NOVA2: variants seen among roughly 807,000 people sequenced by gnomAD.
NOVA2 encodes RNA-binding protein Nova-2.
NOVA2 carries 9 observed loss-of-function variants against 22.5 expected under a neutral mutation model. The ratio of observed to expected loss-of-function variants is 0.40; its 90% CI spans 0.24 to 0.70. The LOEUF (loss-of-function observed/expected upper bound fraction) is 0.70, where lower values mean the gene tolerates loss of function less well. NOVA2 is among the 30% of genes least tolerant of loss of function. The pLI is 0.38. For synonymous variants in NOVA2, 318 were observed against 335.2 expected, an observed-to-expected ratio of 0.95 and a Z score of 0.56; for missense variants, 383 against 682.8, an observed-to-expected ratio of 0.56 and a Z score of 4.89.
Position 45,973,357 on chromosome 19 carries a change from G to C in NOVA2, c.-6C>G, listed in dbSNP as rs1281762199. ...TCCGGGGCCTCGGGCTCCATGGGGGGGGCCTGGGGCGGCGGCTGCTGCTGC... is the reference window on the plus strand; with the variant it reads ...TCCGGGGCCTCGGGCTCCATGGGGGCGGCCTGGGGCGGCGGCTGCTGCTGC... On this transcript the variant is annotated 5_prime_UTR_variant, in exon 1 of 4. Transcript: ENST00000263257. 1.7e-5 allele frequency: 18 copies of C among 1,062,644 alleles called. No individual in the cohort carries two copies. In the South Asian group the frequency reaches 7.4e-4, roughly 44 times the overall value. The allele number at this position is 1,062,644 out of a possible 1,614,324, so 65.8% of individuals were successfully genotyped here.
intron 1 of NOVA2, among the ~76,000 whole-genome samples, chr19:45,966,262 T>C (rs79039378): frequency 0.03 from 4,619 of 152,236 alleles, 215 homozygotes; most frequent in African/African-American, 0.097. Flanking sequence ...ACTGGAATTG[T>C]TCTTTCTTCT....
At position 45,936,465 on chromosome 19, in the gene NOVA2, C is replaced by T. The variant is rs1237609347; in HGVS notation, c.*3398G>A. ...CTCCATGTCCACACTTTTGCAATGC[C>T]TCTTAGGGACCTCCTCAAAGAGAAA... On this transcript the variant is annotated 3_prime_UTR_variant, in exon 4 of 4. Coordinates refer to ENST00000263257, the MANE Select transcript of NOVA2 (RefSeq NM_002516.4). 1 of 151,676 alleles carries T rather than the reference C, an allele frequency of 6.6e-6. No individual in the cohort carries two copies. The highest frequency in any genetic ancestry group is 1.5e-5 in the Non-Finnish European group (1 of 67,948). 9.4% of individuals were successfully genotyped at this position (151,676 alleles called of 1,614,324 possible). A position where few individuals can be genotyped will look rare whatever the true frequency, so the allele number is the denominator to read the frequency against.
chr19:45,965,801 GC>G, intron 1 of NOVA2, among the ~76,000 whole-genome samples: 1 of 152,206 alleles, frequency 6.6e-6, no homozygotes, highest in East Asian at 1.9e-4. Flanking sequence ...ACCTCTTTGG[GC>G]CTCAGCTTTC....
At chr19:45,970,848 G>T (rs1968224016) in intron 1 of NOVA2, among the ~76,000 whole-genome samples, 1 of 152,160 alleles carries the variant, frequency 6.6e-6, no homozygotes, top group African/African-American at 2.4e-5. Flanking sequence ...GTGTGTTTCT[G>T]TCAATGGAGG....
At chr19:45,956,864 T>C (rs565457585) in intron 2 of NOVA2, among the ~76,000 whole-genome samples, 79 of 152,192 alleles carry the variant, frequency 5.2e-4, no homozygotes, top group Non-Finnish European at 9.7e-4. Flanking sequence ...TCAAGATGTG[T>C]TCAAGTTCTC....
At chr19:45,965,526 C>T (rs957433428) in intron 1 of NOVA2, among the ~76,000 whole-genome samples, 2 of 152,076 alleles carry the variant, frequency 1.3e-5, no homozygotes, top group Admixed American at 6.6e-5. Flanking sequence ...GTCATGAGTT[C>T]GAGACCAGCC....
In NOVA2 at chr19:45,938,675, A is replaced by T. The variant is rs1967693320; in HGVS notation, c.*1188T>A. ...TGTTTGAATGGAGATGACCCTGACA[A>T]TATTGGTTTTTTTCCGTTAGAGTCC... is the stretch of plus-strand genomic sequence containing the variant. On this transcript the variant is annotated 3_prime_UTR_variant, in exon 4 of 4. Coordinates refer to ENST00000263257, the MANE Select transcript of NOVA2 (RefSeq NM_002516.4). 1 of 152,212 alleles carries T rather than the reference A, an allele frequency of 6.6e-6. No homozygotes were observed. The highest frequency in any genetic ancestry group is 1.5e-5 in the Non-Finnish European group (1 of 68,064). 9.4% of individuals were successfully genotyped at this position (152,212 alleles called of 1,614,324 possible).
At chr19:45,947,013 C>T (rs1344430348) in intron 3 of NOVA2, among the ~76,000 whole-genome samples, 1 of 152,006 alleles carries the variant, frequency 6.6e-6, no homozygotes, top group Non-Finnish European at 1.5e-5. Context: ...ATTCCTTAAA[C>T]ATTTTCAAAA....
chr19:45,973,371 G>A lies in NOVA2; in HGVS notation c.-20C>T. 2.2e-6 allele frequency: 2 copies of A among 889,376 alleles called. No individual in the cohort carries two copies. Among genetic ancestry groups the A allele is most frequent in the Non-Finnish European group, 2.9e-6 (2 of 685,894 alleles). 55.1% of individuals were successfully genotyped at this position (889,376 alleles called of 1,614,324 possible). A position where few individuals can be genotyped will look rare whatever the true frequency, so the allele number is the denominator to read the frequency against. On this transcript the variant is annotated 5_prime_UTR_variant, in exon 1 of 4. Transcript: ENST00000263257. Reference sequence around the variant, plus strand: ...CTCCATGGGGGGGGCCTGGGGCGGCGGCTGCTGCTGCTGCGGCGGCTGCGG... The same window carrying A: ...CTCCATGGGGGGGGCCTGGGGCGGCAGCTGCTGCTGCTGCGGCGGCTGCGG...
At position 45,940,650 on chromosome 19, in the gene NOVA2, T is replaced by G; in HGVS notation, c.692A>C (p.Tyr231Ser). ...TGGCAGCACATCCGCGGGGCTGGCG[T>G]ACGGAGAGCCGGTGGGGTTGGAGTT... ...VANSNPTGSPYASPADVLPAA... is the reference protein window; with the variant it reads ...VANSNPTGSPSASPADVLPAA... The change falls in exon 4 of 4, where the codon TAC becomes TCC. Residue 231 changes from tyrosine (Y) to serine (S), a missense_variant. Coordinates refer to ENST00000263257, the MANE Select transcript of NOVA2 (RefSeq NM_002516.4). The G allele has an allele frequency of 6.4e-7, 1 of 1,561,982 alleles. No individual in the cohort carries two copies. Among genetic ancestry groups the G allele is most frequent in the Non-Finnish European group, 8.6e-7 (1 of 1,159,582 alleles).
In NOVA2 at chr19:45,937,600, A is replaced by G. The variant is rs1967674612; in HGVS notation, c.*2263T>C. ...AGAAGATATGTACAAAGTTACATCAAGAATTGTTTTGGCACTCAGATCTCC... is the reference window on the plus strand; with the variant it reads ...AGAAGATATGTACAAAGTTACATCAGGAATTGTTTTGGCACTCAGATCTCC... On this transcript the variant is annotated 3_prime_UTR_variant, in exon 4 of 4. Transcript: ENST00000263257. The G allele has an allele frequency of 6.6e-6, 1 of 152,204 alleles. No homozygotes were observed. Among genetic ancestry groups the G allele is most frequent in the Non-Finnish European group, 1.5e-5 (1 of 68,050 alleles). The allele number at this position is 152,204 out of a possible 1,614,324, so 9.4% of individuals were successfully genotyped here. A position where few individuals can be genotyped will look rare whatever the true frequency, so the allele number is the denominator to read the frequency against.
intron 1 of NOVA2, among the ~76,000 whole-genome samples, chr19:45,963,677 G>A (rs1345925792): frequency 6.6e-6 from 1 of 151,812 alleles, no homozygotes; most frequent in East Asian, 2.0e-4. Flanking sequence ...GACTACAGGT[G>A]CCCACCACCA....
At chr19:45,949,677 T>C (rs10423595) in intron 3 of NOVA2, among the ~76,000 whole-genome samples, 1,600 of 151,892 alleles carry the variant, frequency 0.011, 21 homozygotes, top group African/African-American at 0.037. Flanking sequence ...GCCTGCTCTC[T>C]GGAGTCACTC....
chr19:45,953,679 G>C, intron 3 of NOVA2, 101 bp downstream of exon 3: 2 of 1,423,058 alleles, frequency 1.4e-6, no homozygotes, highest in East Asian at 2.3e-5. Context: ...ATTTTTATCA[G>C]CTTTGTCCCA....
At chr19:45,951,259 T>C (rs1311778390) in intron 3 of NOVA2, among the ~76,000 whole-genome samples, 2 of 151,960 alleles carry the variant, frequency 1.3e-5, no homozygotes, top group East Asian at 3.9e-4. Flanking sequence ...GGTGGATTGC[T>C]TGAGTCCAGG....
intron 1 of NOVA2, among the ~76,000 whole-genome samples, chr19:45,964,460 G>A (rs1275327873): frequency 6.6e-6 from 1 of 150,812 alleles, no homozygotes; most frequent in East Asian, 1.9e-4. Flanking sequence ...GAGATTACAG[G>A]GGTGAGCCAC....
At chr19:45,962,938 G>A (rs542433320) in intron 1 of NOVA2, among the ~76,000 whole-genome samples, 238 of 151,210 alleles carry the variant, frequency 1.6e-3, no homozygotes, top group Non-Finnish European at 2.8e-3. Flanking sequence ...GTGAGCCACC[G>A]CACCTTGCTT....
At chr19:45,953,968 G>A (rs775280316) in intron 2 of NOVA2, 22 bp from the exon 3 acceptor site, 2 of 1,612,810 alleles carry the variant, frequency 1.2e-6, no homozygotes, top group Admixed American at 3.3e-5. Context: ...GGGAGAGAGA[G>A]GGCACACTCA....
At chr19:45,960,920 C>T in intron 2 of NOVA2, 90 bp downstream of exon 2, 19 of 1,358,476 alleles carry the variant, frequency 1.4e-5, no homozygotes, top group Non-Finnish European at 1.9e-5. Context: ...GTCCTTAGGG[C>T]AGACCTTCCC....
Sources: allele counts gnomAD v4.1 joint callset (sites outside exome capture counted in the v4.1 genomes callset), GRCh38; gene constraint gnomAD v4.1.1; transcripts MANE v1.5; gene names NCBI Gene and HGNC (gene_info 2026-07-23, HGNC 2026-07-21).